DAB1: variants seen among roughly 807,000 people sequenced by gnomAD.
The protein encoded by DAB1 is disabled homolog 1.
In DAB1, 15 loss-of-function variants were observed where a neutral mutation model predicts 64.6. The observed-to-expected ratio is 0.23, with a 90% CI of 0.16 to 0.36. The LOEUF is 0.36. Among genes scored for constraint, DAB1 ranks in the 10% least tolerant of loss-of-function variants. DAB1 has a pLI of 1.00. For missense variants in DAB1, 596 were observed against 706.7 expected, an observed-to-expected ratio of 0.84 and a Z score of 1.78; for synonymous variants, 235 against 251.9, an observed-to-expected ratio of 0.93 and a Z score of 0.64.
chr1:58,165,123 G>A (rs757113034), intron 4 of DAB1, among the ~76,000 whole-genome samples: 48 of 152,090 alleles, frequency 3.2e-4, no homozygotes, highest in Non-Finnish European at 4.7e-4. Flanking sequence ...CCAAGGTCCT[G>A]ACCACTGCCT....
At position 57,031,568 on chromosome 1, in the gene DAB1, G is replaced by T. The variant is rs192897427; in HGVS notation, c.724-5525C>A. Among the ~76,000 whole-genome samples the T allele has an allele frequency of 9.8e-4, 149 of 152,328 alleles. No individual in the cohort carries two copies. In the Middle Eastern group the frequency reaches 0.017, roughly 17 times the overall value. ...CACAGATGAACTAGCTGAGGCTGAG[G>T]TTAAGTGACTCGCCTCTGATCAGTC... On this transcript the variant is annotated intron_variant, in intron 9 of 14. Transcript: ENST00000371236.
intron 5 of DAB1, chr1:58,048,624 C>T: frequency 1.8e-6 from 2 of 1,121,242 alleles, no homozygotes; most frequent in African/African-American, 1.5e-5. Flanking sequence ...CCACCATGAC[C>T]ACTAAAGTTT....
intron 3 of DAB1, among the ~76,000 whole-genome samples, chr1:58,359,258 C>T (rs11207205): frequency 0.051 from 7,751 of 152,198 alleles, 311 homozygotes; most frequent in East Asian, 0.18. Flanking sequence ...TATGAAGAAA[C>T]TAAGACACTC....
chr1:58,446,405 T>C (rs1482961799), intron 3 of DAB1, among the ~76,000 whole-genome samples: 4 of 152,346 alleles, frequency 2.6e-5, no homozygotes, highest in African/African-American at 7.2e-5. Context: ...AAGCTGTTAA[T>C]ATTCATTTTT....
intron 5 of DAB1, among the ~76,000 whole-genome samples, chr1:58,072,087 G>C (rs1553157678): frequency 1.6e-5 from 2 of 128,612 alleles, no homozygotes; most frequent in Non-Finnish European, 3.4e-5. Flanking sequence ...TGGTGGGGTG[G>C]GGGGGGGTGG....
At chr1:58,431,841 C>G (rs577164963) in intron 3 of DAB1, among the ~76,000 whole-genome samples, 1 of 152,052 alleles carries the variant, frequency 6.6e-6, no homozygotes, top group Non-Finnish European at 1.5e-5. Flanking sequence ...GACCCCCTTG[C>G]TGGGGAGACA....
intron 7 of DAB1, among the ~76,000 whole-genome samples, chr1:57,591,485 A>G (rs1327036849): frequency 1.3e-5 from 2 of 152,198 alleles, no homozygotes; most frequent in East Asian, 3.9e-4. Flanking sequence ...CATTTTAGGG[A>G]AGTTGACATT....
chr1:57,018,077 C>A (rs1570509054), intron 11 of DAB1, among the ~76,000 whole-genome samples: 2 of 152,158 alleles, frequency 1.3e-5, no homozygotes, highest in East Asian at 1.9e-4. Flanking sequence ...TGTTTATGAT[C>A]ATTTGCACCT....
At chr1:58,034,693 C>A (rs940419199) in intron 5 of DAB1, among the ~76,000 whole-genome samples, 3 of 152,146 alleles carry the variant, frequency 2.0e-5, no homozygotes, top group Non-Finnish European at 4.4e-5. Context: ...GATTTCTTCC[C>A]ATCCCAAAGG....
intron 1 of DAB1, among the ~76,000 whole-genome samples, chr1:57,337,475 A>G (rs935337156): frequency 3.7e-4 from 57 of 152,176 alleles, no homozygotes; most frequent in African/African-American, 1.4e-3. Context: ...CCTTTGCTCA[A>G]ATGCCACTGT....
chr1:58,546,372 G>A (rs567835150), intron 1 of DAB1, among the ~76,000 whole-genome samples: 1 of 152,322 alleles, frequency 6.6e-6, no homozygotes, highest in East Asian at 1.9e-4. Context: ...GGGCTGAGGG[G>A]GAGGGCAGGC....
rs78859482 is a variant in DAB1, at chr1:57,243,886, T to C, written c.67+47078A>G. Among the ~76,000 whole-genome samples the C allele has an allele frequency of 1.1e-3, 161 of 152,330 alleles. 1 individual carries two copies. Among genetic ancestry groups the C allele is most frequent in the African/African-American group, 3.8e-3 (157 of 41,564 alleles). On this transcript the variant is annotated intron_variant, in intron 2 of 14. Coordinates refer to ENST00000371236, the MANE Select transcript of DAB1 (RefSeq NM_001365792.1). ...ATCAGCCTCAAGGGTGTACCTTTTG[T>C]AAACATTTGGAACCAATTCATCCGT...
chr1:57,364,127 G>A (rs1679776159), intron 1 of DAB1, among the ~76,000 whole-genome samples: 1 of 152,166 alleles, frequency 6.6e-6, no homozygotes, highest in Non-Finnish European at 1.5e-5. Context: ...CTGCTGAAGA[G>A]GTAGAAGTTT....
At chr1:58,508,663 G>A (rs761678055) in intron 2 of DAB1, among the ~76,000 whole-genome samples, 5 of 152,100 alleles carry the variant, frequency 3.3e-5, no homozygotes, top group Non-Finnish European at 7.4e-5. Flanking sequence ...CTAGGAACTG[G>A]CTTCTGTCTT....
intron 5 of DAB1, among the ~76,000 whole-genome samples, chr1:58,104,033 T>G (rs1459349365): frequency 1.3e-5 from 2 of 152,164 alleles, no homozygotes; most frequent in African/African-American, 4.8e-5. Context: ...CAAGAAGTCT[T>G]TTTCTAGAAG....
chr1:58,398,878 G>A (rs542080477), intron 3 of DAB1, among the ~76,000 whole-genome samples: 2 of 152,308 alleles, frequency 1.3e-5, no homozygotes, highest in Non-Finnish European at 2.9e-5. Context: ...GTTACTTAAT[G>A]TCTCAGAGCC....
At chr1:57,623,799 T>C (rs962786869) in intron 7 of DAB1, among the ~76,000 whole-genome samples, 1 of 152,188 alleles carries the variant, frequency 6.6e-6, no homozygotes, top group Non-Finnish European at 1.5e-5. Flanking sequence ...CTGAGATGAT[T>C]GTCTTCTTAC....
intron 2 of DAB1, among the ~76,000 whole-genome samples, chr1:57,206,786 C>T (rs970538582): frequency 1.3e-5 from 2 of 152,050 alleles, no homozygotes; most frequent in African/African-American, 4.8e-5. Context: ...AGGACACAGG[C>T]GTTTTGGAGT....
rs922075154 is a variant in DAB1, at chr1:57,045,690, T to C, written c.723+17194A>G. Among the ~76,000 whole-genome samples, 7 of 151,980 alleles carry C rather than the reference T, an allele frequency of 4.6e-5. No homozygotes were observed. In the East Asian group the frequency reaches 1.4e-3, roughly 29 times the overall value. On this transcript the variant is annotated intron_variant, in intron 9 of 14. Coordinates refer to ENST00000371236, the MANE Select transcript of DAB1 (RefSeq NM_001365792.1). ...TCCAGCCTGGGTGACAGAGCGAGAC[T>C]CCATCTCAAAAAAATAAAAAAGGAA...
Sources: gnomAD v4.1 joint callset for allele counts (sites outside exome capture counted in the v4.1 genomes callset) on GRCh38, gnomAD v4.1.1 for gene constraint, MANE v1.5 for transcripts, NCBI Gene and HGNC (gene_info 2026-07-23, HGNC 2026-07-21) for gene names.